PDE4B: variants seen among roughly 807,000 people sequenced by gnomAD.
PDE4B encodes 3',5'-cyclic-AMP phosphodiesterase 4B.
PDE4B carries 20 observed loss-of-function variants against 82.2 expected under a neutral mutation model. The observed-to-expected ratio is 0.24, with a 90% CI of 0.17 to 0.35. The LOEUF (loss-of-function observed/expected upper bound fraction) is 0.35, where lower values mean the gene tolerates loss of function less well. Among genes scored for constraint, PDE4B ranks in the 10% least tolerant of loss-of-function variants. The pLI is 1.00. For missense variants in PDE4B, 655 were observed against 907.2 expected (o/e 0.72, Z 3.57); for synonymous variants, 320 against 318.9 (o/e 1.00, Z -0.04).
intron 16 of PDE4B, among the ~76,000 whole-genome samples, chr1:66,371,956 T>C (rs1178637705): frequency 2.0e-5 from 3 of 152,144 alleles, no homozygotes; most frequent in Non-Finnish European, 4.4e-5. Flanking sequence ...TAAAAGGAAA[T>C]GCAGTCTGTT....
chr1:66,087,958 T>C (rs1211020342), intron 3 of PDE4B, among the ~76,000 whole-genome samples: 1 of 151,598 alleles, frequency 6.6e-6, no homozygotes, highest in Admixed American at 6.6e-5. Flanking sequence ...GCATGGCACA[T>C]GTATACATGT....
intron 3 of PDE4B, among the ~76,000 whole-genome samples, chr1:66,227,739 T>A (rs562440465): frequency 1.1e-4 from 17 of 152,246 alleles, no homozygotes; most frequent in African/African-American, 3.9e-4. Context: ...TCTAAGAAGC[T>A]GAAATGGTTA....
At chr1:66,109,355 G>T (rs897855874) in intron 3 of PDE4B, among the ~76,000 whole-genome samples, 3 of 151,876 alleles carry the variant, frequency 2.0e-5, no homozygotes, top group African/African-American at 7.2e-5. Flanking sequence ...TCATATAGAA[G>T]TAATTTTATT....
chr1:65,972,456 T>A (rs922584650), intron 3 of PDE4B, among the ~76,000 whole-genome samples: 1 of 152,182 alleles, frequency 6.6e-6, no homozygotes, highest in African/African-American at 2.4e-5. Context: ...CGGTATAACA[T>A]TTTAAAGGTT....
chr1:66,084,770 G>C (rs11810110), intron 3 of PDE4B, among the ~76,000 whole-genome samples: 7 of 152,064 alleles, frequency 4.6e-5, no homozygotes, highest in Admixed American at 2.6e-4. Context: ...ATCTGTCTAG[G>C]TTTTAGTAGA....
chr1:66,263,195 G>T (rs1413590077), intron 6 of PDE4B, among the ~76,000 whole-genome samples: 2 of 152,182 alleles, frequency 1.3e-5, no homozygotes, highest in Non-Finnish European at 2.9e-5. Context: ...TATAGAATGA[G>T]CAATGCAGTG....
intron 3 of PDE4B, among the ~76,000 whole-genome samples, chr1:66,100,448 G>A (rs1645199999): frequency 6.6e-6 from 1 of 152,116 alleles, no homozygotes; most frequent in Admixed American, 6.6e-5. Context: ...GTATCCATGA[G>A]TCTTAGAACA....
chr1:66,181,525 G>T (rs528957385), intron 3 of PDE4B, among the ~76,000 whole-genome samples: 15 of 152,238 alleles, frequency 9.9e-5, no homozygotes, highest in African/African-American at 3.6e-4. Flanking sequence ...CTGTTTCTTG[G>T]ACAATAGACA....
At chr1:65,938,373 T>C (rs1323088597) in intron 3 of PDE4B, among the ~76,000 whole-genome samples, 1 of 152,224 alleles carries the variant, frequency 6.6e-6, no homozygotes, top group Non-Finnish European at 1.5e-5. Context: ...TTATTTTATA[T>C]CTGTAATTCC....
At chr1:66,106,358 T>C (rs962651353) in intron 3 of PDE4B, among the ~76,000 whole-genome samples, 1 of 152,072 alleles carries the variant, frequency 6.6e-6, no homozygotes, top group Admixed American at 6.6e-5. Flanking sequence ...TATTGAGGAT[T>C]TTTGCATCAA....
chr1:66,068,531 A>T (rs1351983392), intron 3 of PDE4B, among the ~76,000 whole-genome samples: 1 of 151,948 alleles, frequency 6.6e-6, no homozygotes, highest in Non-Finnish European at 1.5e-5. Flanking sequence ...GTCTTCCCCC[A>T]TCAAGTTGAT....
At chr1:66,346,088 T>A (rs1386965318) in intron 8 of PDE4B, among the ~76,000 whole-genome samples, 1 of 152,198 alleles carries the variant, frequency 6.6e-6, no homozygotes, top group Non-Finnish European at 1.5e-5. Context: ...CTGGGGAGCC[T>A]ATTTATGAGC....
chr1:65,863,905 G>A (rs772459762), intron 1 of PDE4B, among the ~76,000 whole-genome samples: 6 of 151,974 alleles, frequency 3.9e-5, no homozygotes, highest in Non-Finnish European at 7.4e-5. Flanking sequence ...TCTTTGCCAC[G>A]AAATGGGTCT....
chr1:65,894,490 C>T (rs1466539153), intron 1 of PDE4B, among the ~76,000 whole-genome samples: 1 of 151,908 alleles, frequency 6.6e-6, no homozygotes, highest in Non-Finnish European at 1.5e-5. Flanking sequence ...TCTTAGAACA[C>T]AAAATGTCAG....
At chr1:66,102,108 G>C (rs1273452093) in intron 3 of PDE4B, among the ~76,000 whole-genome samples, 2 of 152,010 alleles carry the variant, frequency 1.3e-5, no homozygotes, top group Admixed American at 6.6e-5. Context: ...CCCATTTCTT[G>C]TTTTTGTCAT....
chr1:66,293,498 G>A (rs1207124359), intron 7 of PDE4B, among the ~76,000 whole-genome samples: 2 of 151,582 alleles, frequency 1.3e-5, no homozygotes, highest in African/African-American at 4.9e-5. Context: ...CTGAGTTTAT[G>A]GAAGATAGAG....
chr1:65,793,717 G>A (rs964486385), intron 1 of PDE4B, among the ~76,000 whole-genome samples: 1 of 152,198 alleles, frequency 6.6e-6, no homozygotes, highest in Non-Finnish European at 1.5e-5. Context: ...GCACCAAGGA[G>A]GGGCGCACTC....
chr1:65,872,469 TG>T (rs1164613490), intron 1 of PDE4B, among the ~76,000 whole-genome samples: 14 of 152,154 alleles, frequency 9.2e-5, no homozygotes, highest in Non-Finnish European at 2.1e-4. Flanking sequence ...ATTACAGTGA[TG>T]GTTTAACGCT....
intron 1 of PDE4B, among the ~76,000 whole-genome samples, chr1:65,807,374 A>G (rs1645765781): frequency 6.6e-6 from 1 of 152,240 alleles, no homozygotes; most frequent in Admixed American, 6.5e-5. Context: ...TATTCTATTG[A>G]ATAAGTGTAC....
Sources: gnomAD v4.1 joint callset for allele counts (sites outside exome capture counted in the v4.1 genomes callset) on GRCh38, gnomAD v4.1.1 for gene constraint, MANE v1.5 for transcripts, NCBI Gene and HGNC (gene_info 2026-07-23, HGNC 2026-07-21) for gene names.